The following STS variants were observed in gnomAD, a reference collection of about 807,000 sequenced individuals.
STS encodes steroid sulfatase, also known as steryl-sulfatase.
A neutral mutation model predicts 26.8 loss-of-function variants in STS; 7 were observed. The ratio of observed to expected loss-of-function variants is 0.26; its 90% CI spans 0.15 to 0.49. The LOEUF is 0.49. Ranked by LOEUF, STS falls within the 20% of genes least tolerant of loss-of-function variation. The probability of loss-of-function intolerance (pLI) is 0.98; values close to 1 mark genes in which losing one functional copy is unlikely to be tolerated. For missense variants in STS, 434 were observed against 465.6 expected, an observed-to-expected ratio of 0.93 and a Z score of 0.63; for synonymous variants, 199 against 189.4, an observed-to-expected ratio of 1.05 and a Z score of -0.42.
chrX:7,173,505 G>A (rs760023913), intron 1 of STS, among the ~76,000 whole-genome samples: 26 of 111,900 alleles, frequency 2.3e-4, no homozygotes, highest in Non-Finnish European at 4.9e-4. Flanking sequence ...AAATCTTTGA[G>A]GAATCACCAC....
intron 2 of STS, among the ~76,000 whole-genome samples, chrX:7,203,361 T>C (rs1271794466): frequency 8.9e-6 from 1 of 112,160 alleles, no homozygotes; most frequent in African/African-American, 3.2e-5. Context: ...AAAAGGAACC[T>C]TGTTAGTTTT....
In STS at chrX:7,351,387, C is replaced by G. The variant is rs1424862775; in HGVS notation, c.*1126C>G. 3 of 111,997 alleles carry G rather than the reference C, an allele frequency of 2.7e-5. No individual in the cohort carries two copies. Among genetic ancestry groups the G allele is most frequent in the African/African-American group, 9.7e-5 (3 of 30,808 alleles). 9.2% of individuals were successfully genotyped at this position (111,997 alleles called of 1,213,427 possible). On this transcript the variant is annotated 3_prime_UTR_variant, in exon 11 of 11. Coordinates refer to ENST00000674429, the MANE Select transcript of STS (RefSeq NM_001320752.2). ...TGTGCTTCCAATCCACAATGAGATGCATGATTTTGTTTTCATCCCATTTCC... is the reference window on the plus strand; with the variant it reads ...TGTGCTTCCAATCCACAATGAGATGGATGATTTTGTTTTCATCCCATTTCC...
At chrX:7,343,754 C>T (rs1365873562) in intron 10 of STS, among the ~76,000 whole-genome samples, 1 of 112,044 alleles carries the variant, frequency 8.9e-6, no homozygotes, top group East Asian at 2.8e-4. Context: ...CGCCTACCGC[C>T]AGCACCCCCC....
chrX:7,241,199 C>G (rs1922603272), intron 2 of STS, among the ~76,000 whole-genome samples: 1 of 111,756 alleles, frequency 8.9e-6, no homozygotes, highest in African/African-American at 3.3e-5. Flanking sequence ...GAGTGGCTCT[C>G]TGAGTGGCTG....
intron 2 of STS, among the ~76,000 whole-genome samples, chrX:7,215,799 C>T (rs1921286879): frequency 8.9e-6 from 1 of 112,123 alleles, no homozygotes; most frequent in Non-Finnish European, 1.9e-5. Context: ...ATCACTCCTT[C>T]GCCTTTGGGC....
intron 1 of STS, among the ~76,000 whole-genome samples, chrX:7,167,630 A>G (rs1467582182): frequency 8.9e-6 from 1 of 112,241 alleles, no homozygotes; most frequent in Non-Finnish European, 1.9e-5. Context: ...CAAGGCCAGC[A>G]GGAGAAGGCC....
chrX:7,349,094 G>GCCT (rs1451927324), intron 10 of STS, among the ~76,000 whole-genome samples: 1 of 105,334 alleles, frequency 9.5e-6, no homozygotes, highest in East Asian at 3.0e-4. Context: ...CAATCCTCCT[G>GCCT]CCTTAGCCTC....
chrX:7,149,365 G>A (rs1411017552), intron 1 of STS, among the ~76,000 whole-genome samples: 1 of 112,267 alleles, frequency 8.9e-6, no homozygotes, highest in African/African-American at 3.2e-5. Context: ...GTGCACCTGT[G>A]TCTGTTTCCT....
At chrX:7,239,629 A>C (rs1922494615) in intron 2 of STS, among the ~76,000 whole-genome samples, 1 of 111,786 alleles carries the variant, frequency 8.9e-6, no homozygotes, top group African/African-American at 3.3e-5. Flanking sequence ...TTGCCAAATT[A>C]AGTTTGTTCA....
chrX:7,339,693 A>AT (rs1928193687), intron 10 of STS, among the ~76,000 whole-genome samples: 1 of 111,915 alleles, frequency 8.9e-6, no homozygotes, highest in African/African-American at 3.2e-5. Context: ...AGAACTTTTA[A>AT]TTTTTTATTA....
At chrX:7,181,721 A>G (rs956333768) in intron 1 of STS, among the ~76,000 whole-genome samples, 1 of 112,028 alleles carries the variant, frequency 8.9e-6, no homozygotes, top group Admixed American at 9.5e-5. Context: ...CTCCTGTTTG[A>G]GGCTGAGATG....
At chrX:7,221,688 T>C (rs2147050245) in intron 2 of STS, among the ~76,000 whole-genome samples, 1 of 112,187 alleles carries the variant, frequency 8.9e-6, no homozygotes, top group South Asian at 3.8e-4. Context: ...AATTTTGCAT[T>C]GACTAGTCTA....
intron 2 of STS, among the ~76,000 whole-genome samples, chrX:7,230,094 C>T (rs1052872837): frequency 2.4e-4 from 26 of 110,195 alleles, no homozygotes; most frequent in African/African-American, 7.6e-4. Context: ...TTCTATGTTG[C>T]GCAGGCTGGT....
At chrX:7,200,362 C>A (rs1345656911) in intron 2 of STS, among the ~76,000 whole-genome samples, 1 of 111,199 alleles carries the variant, frequency 9.0e-6, no homozygotes, top group Non-Finnish European at 1.9e-5. Context: ...TATATTAACT[C>A]TAGACTCTCA....
At position 7,148,103 on chromosome X, in the gene STS, G is replaced by A. The variant is rs769833085; in HGVS notation, c.-134+20G>A. The A allele has an allele frequency of 2.7e-6, 3 of 1,131,139 alleles. No homozygotes were observed. Among genetic ancestry groups the A allele is most frequent in the Non-Finnish European group, 3.5e-6 (3 of 853,993 alleles). 93.2% of individuals were successfully genotyped at this position (1,131,139 alleles called of 1,213,427 possible). On this transcript the variant is annotated intron_variant, in intron 1 of 10. Transcript: ENST00000674429. The stretch of plus-strand genomic sequence containing the variant: ...GATGAGGTGGGTGACGGGCTGCGGG[G>A]GCGCCGCCATGGTGGCGCCTTCTGG...
rs752137520 is a variant in STS at position 7,153,654 on chromosome X, C to A, written c.-134+5571C>A. Reference sequence around the variant, plus strand: ...CTGTCTTCCTTCCTGTCCTCCTCAACTCCCTCCCTCTCTCCTTCCCTCCCT... The same window carrying A: ...CTGTCTTCCTTCCTGTCCTCCTCAAATCCCTCCCTCTCTCCTTCCCTCCCT... On this transcript the variant is annotated intron_variant, in intron 1 of 10. Coordinates refer to ENST00000674429, the MANE Select transcript of STS (RefSeq NM_001320752.2). Among the ~76,000 whole-genome samples the A allele has an allele frequency of 3.3e-5, 3 of 92,112 alleles. No individual in the cohort carries two copies. In the Admixed American group the frequency reaches 3.7e-4, roughly 11 times the overall value. 80.0% of individuals were successfully genotyped at this position (92,112 alleles called of 115,157 possible). A position where few individuals can be genotyped will look rare whatever the true frequency, so the allele number is the denominator to read the frequency against.
At chrX:7,204,308 A>G (rs1601649158) in intron 2 of STS, among the ~76,000 whole-genome samples, 1 of 112,130 alleles carries the variant, frequency 8.9e-6, no homozygotes, top group Admixed American at 9.4e-5. Flanking sequence ...TAGGTTAAAA[A>G]TAGCATTTTC....
In STS at chrX:7,351,980, C is replaced by T. The variant is rs1928821020; in HGVS notation, c.*1719C>T. ...AAAGAGAAGAAAGAAGTGATTCCTA[C>T]CCCCTACCTCCAGAGTTGTTGAAAG... On this transcript the variant is annotated 3_prime_UTR_variant, in exon 11 of 11. Transcript: ENST00000674429. The T allele has an allele frequency of 9.1e-6, 1 of 109,345 alleles. No homozygotes were observed. The highest frequency in any genetic ancestry group is 2.8e-4 in the East Asian group (1 of 3,516). 9.0% of individuals were successfully genotyped at this position (109,345 alleles called of 1,213,427 possible). A position where few individuals can be genotyped will look rare whatever the true frequency, so the allele number is the denominator to read the frequency against.
intron 3 of STS, among the ~76,000 whole-genome samples, chrX:7,254,426 C>A (rs1300927214): frequency 1.8e-5 from 2 of 110,843 alleles, no homozygotes; most frequent in Non-Finnish European, 3.8e-5. Context: ...ATTTCACTTT[C>A]TCTTCCTAAT....
Sources: allele counts gnomAD v4.1 joint callset (sites outside exome capture counted in the v4.1 genomes callset), GRCh38; gene constraint gnomAD v4.1.1; transcripts MANE v1.5; gene names NCBI Gene and HGNC (gene_info 2026-07-23, HGNC 2026-07-21).